CHD9: variants seen among roughly 807,000 people sequenced by gnomAD.
The protein encoded by CHD9 is ATP-dependent chromatin remodeler CHD9.
A neutral mutation model predicts 316.1 loss-of-function variants in CHD9; 77 were observed. That is an observed-to-expected ratio of 0.24 (90% confidence interval 0.20 to 0.29). CHD9 has a LOEUF of 0.29. Ranked by LOEUF, CHD9 falls within the 10% of genes least tolerant of loss-of-function variation. The probability of loss-of-function intolerance (pLI) is 1.00; values close to 1 mark genes in which losing one functional copy is unlikely to be tolerated. For synonymous variants in CHD9, 1,129 were observed against 1,158.3 expected (o/e 0.97, Z 0.51); for missense variants, 2,763 against 3,438.1 (o/e 0.80, Z 4.91).
At chr16:53,247,164 G>T in intron 15 of CHD9, 129 bp from the exon 16 acceptor site, 2 of 649,358 alleles carry the variant, frequency 3.1e-6, no homozygotes, top group South Asian at 3.9e-5. Context: ...TCTAATAAAA[G>T]CAATGTACAT....
At chr16:53,246,791 T>A (rs1014406966) in intron 15 of CHD9, among the ~76,000 whole-genome samples, 15 of 152,168 alleles carry the variant, frequency 9.9e-5, no homozygotes, top group Non-Finnish European at 2.1e-4. Context: ...CCCAAAGTGC[T>A]GAAATTACAG....
chr16:53,093,666 T>G (rs2036139193), intron 1 of CHD9, among the ~76,000 whole-genome samples: 1 of 152,224 alleles, frequency 6.6e-6, no homozygotes, highest in South Asian at 2.1e-4. Context: ...CTAATGCCTT[T>G]CAATCAGGCA....
intron 1 of CHD9, among the ~76,000 whole-genome samples, chr16:53,110,061 G>A (rs1403836672): frequency 2.6e-5 from 4 of 152,040 alleles, no homozygotes; most frequent in African/African-American, 9.7e-5. Flanking sequence ...ATAATCCCAG[G>A]AGCCGAGTAA....
rs373464478 is a variant in CHD9, at chr16:53,273,797, G to T, written c.4877+12G>T. 18 of 1,589,618 alleles carry T rather than the reference G, an allele frequency of 1.1e-5. No homozygotes were observed. In the African/African-American group the frequency reaches 1.8e-4, roughly 16 times the overall value. On this transcript the variant is annotated intron_variant, in intron 23 of 38. Coordinates refer to ENST00000447540, the MANE Select transcript of CHD9 (RefSeq NM_001308319.2). Reference sequence around the variant, plus strand: ...CACCACTGTAATAAGTAGGTATAGGGTATTTTAAACACAACTCTTTAAATG... The same window carrying T: ...CACCACTGTAATAAGTAGGTATAGGTTATTTTAAACACAACTCTTTAAATG...
In CHD9 at chr16:53,267,404, G is replaced by T; in HGVS notation, c.4431G>T (p.Lys1477Asn). The change falls in exon 21 of 39, where the codon AAG (lysine) becomes AAT (asparagine). Residue 1477 changes from lysine (K) to asparagine (N), a missense_variant. By Grantham distance (94) the Lys-to-Asn change is moderately conservative. Coordinates refer to ENST00000447540, the MANE Select transcript of CHD9 (RefSeq NM_001308319.2). ...AAGCTGAAAGTGAAGGAGATGAAAA[G>T]CCCAAACTCCGGAGACCCTGTGACC... is the stretch of plus-strand genomic sequence containing the variant. ...LSEAESEGDE[K>N]PKLRRPCDRS... The T allele has an allele frequency of 1.2e-6, 2 of 1,613,074 alleles. No homozygotes were observed. The highest frequency in any genetic ancestry group is 1.7e-6 in the Non-Finnish European group (2 of 1,179,360).
intron 1 of CHD9, among the ~76,000 whole-genome samples, chr16:53,098,309 C>G (rs1273666599): frequency 1.3e-5 from 2 of 151,898 alleles, no homozygotes; most frequent in African/African-American, 4.8e-5. Flanking sequence ...AACCTCGTCT[C>G]TACTAAAAAT....
At position 53,318,225 on chromosome 16, in the gene CHD9, A is replaced by G; in HGVS notation, c.7598A>G (p.His2533Arg). Residue 2533 changes from histidine (H) to arginine (R), a missense_variant, in exon 37 of 39, where the codon CAT becomes CGT. His to Arg is a conservative substitution (Grantham distance 29, BLOSUM62 0). Transcript: ENST00000447540. Reference protein sequence around the residue: ...LGAFIPRMQLHEGRPKQKRHR... With the variant: ...LGAFIPRMQLREGRPKQKRHR... ...TATATATTTTAGAGAATGCAGCTTC[A>G]TGAGGGAAGACCCAAACAAAAAAGA... 6.2e-7 allele frequency: 1 copy of G among 1,612,236 alleles called. No individual in the cohort carries two copies. The highest frequency in any genetic ancestry group is 8.5e-7 in the Non-Finnish European group (1 of 1,179,056).
chr16:53,097,543 G>C (rs927660895), intron 1 of CHD9, among the ~76,000 whole-genome samples: 14 of 152,120 alleles, frequency 9.2e-5, no homozygotes, highest in Admixed American at 2.6e-4. Flanking sequence ...GGGATTACAG[G>C]CATGAGCCAC....
At chr16:53,204,770 G>A (rs1285901312) in intron 2 of CHD9, among the ~76,000 whole-genome samples, 2 of 151,804 alleles carry the variant, frequency 1.3e-5, no homozygotes, top group East Asian at 3.9e-4. Context: ...TGTACTATAG[G>A]TTTTCTTTTT....
chr16:53,182,899 AGT>A (rs1434435179), intron 2 of CHD9, among the ~76,000 whole-genome samples: 1 of 152,168 alleles, frequency 6.6e-6, no homozygotes, highest in African/African-American at 2.4e-5. Context: ...AAGTGTTTTA[AGT>A]TTATATCATA....
chr16:53,283,875 C>A (rs1354914160), intron 24 of CHD9, among the ~76,000 whole-genome samples: 1 of 152,188 alleles, frequency 6.6e-6, no homozygotes, highest in South Asian at 2.1e-4. Context: ...TCTCTTCATC[C>A]ACTTCCTTAT....
chr16:53,278,362 C>T (rs1176331113), intron 24 of CHD9, among the ~76,000 whole-genome samples: 3 of 152,150 alleles, frequency 2.0e-5, no homozygotes, highest in Non-Finnish European at 1.5e-5. Context: ...TCAAGTTGTA[C>T]TATCAGGCCA....
rs781565413 is a variant in CHD9, at chr16:53,156,317, A to G, written c.228A>G (p.Ser76=). 26 of 1,613,884 alleles carry G rather than the reference A, an allele frequency of 1.6e-5. No individual in the cohort carries two copies. The highest frequency in any genetic ancestry group is 1.6e-4 in the Middle Eastern group (1 of 6,084). The change falls in exon 2 of 39, where the codon TCA becomes TCG. Residue 76 remains serine (S), a synonymous_variant. Coordinates refer to ENST00000447540, the MANE Select transcript of CHD9 (RefSeq NM_001308319.2). ...TDFEQLNQFD[S]IKFHHVNQSF... ...TTGAACAGTTAAATCAATTTGATTC[A>G]ATAAAATTTCACCATGTTAATCAAT... is the stretch of plus-strand genomic sequence containing the variant.
intron 1 of CHD9, among the ~76,000 whole-genome samples, chr16:53,055,966 A>G (rs975168237): frequency 2.6e-5 from 4 of 152,080 alleles, no homozygotes; most frequent in Non-Finnish European, 5.9e-5. Context: ...ATTTTGGCAA[A>G]CCTAGCTGAT....
intron 2 of CHD9, among the ~76,000 whole-genome samples, chr16:53,195,568 C>A (rs2044833939): frequency 6.6e-6 from 1 of 152,006 alleles, no homozygotes; most frequent in South Asian, 2.1e-4. Flanking sequence ...AGATTGTTGA[C>A]AAAACACATT....
At chr16:53,239,501 A>C (rs773371554) in intron 12 of CHD9, among the ~76,000 whole-genome samples, 1 of 152,182 alleles carries the variant, frequency 6.6e-6, no homozygotes, top group Admixed American at 6.5e-5. Flanking sequence ...TTTTATTAAA[A>C]TATTTCAATA....
intron 11 of CHD9, among the ~76,000 whole-genome samples, chr16:53,235,974 A>C (rs2048583806): frequency 6.6e-6 from 1 of 152,038 alleles, no homozygotes; most frequent in Admixed American, 6.5e-5. Context: ...TTTTATTCAG[A>C]ATCATTTTTA....
intron 1 of CHD9, 101 bp from the exon 2 acceptor site, chr16:53,155,821 GTGAC>G (rs1431478881): frequency 1.3e-5 from 5 of 383,144 alleles, no homozygotes; most frequent in Admixed American, 4.4e-5. Context: ...GTGGTATTTT[GTGAC>G]TGACCTCTTT....
At chr16:53,162,804 G>A (rs2042007099) in intron 2 of CHD9, among the ~76,000 whole-genome samples, 1 of 149,318 alleles carries the variant, frequency 6.7e-6, no homozygotes, top group African/African-American at 2.5e-5. Flanking sequence ...TTTTTTGGTG[G>A]GGGACAGGGT....
Sources: gnomAD v4.1 joint callset for allele counts (sites outside exome capture counted in the v4.1 genomes callset) on GRCh38, gnomAD v4.1.1 for gene constraint, MANE v1.5 for transcripts, NCBI Gene and HGNC (gene_info 2026-07-23, HGNC 2026-07-21) for gene names.